CELF2: variants seen among roughly 807,000 people sequenced by gnomAD.
The protein encoded by CELF2 is CUG triplet repeat RNA-binding protein 2.
Under a neutral mutation model 62.6 loss-of-function variants are expected in CELF2, and 8 were observed. That is an observed-to-expected ratio of 0.13 (90% CI 0.07 to 0.23). The LOEUF is 0.23. Among genes scored for constraint, CELF2 ranks in the 10% least tolerant of loss-of-function variants. The pLI, the probability that CELF2 is intolerant of heterozygous loss-of-function variation, is 1.00. For synonymous variants in CELF2, 258 were observed against 250.0 expected (o/e 1.03, Z -0.30); for missense variants, 333 against 671.0 (o/e 0.50, Z 5.56).
At chr10:10,942,119 A>G (rs1353120362) in intron 2 of CELF2, among the ~76,000 whole-genome samples, 2 of 152,222 alleles carry the variant, frequency 1.3e-5, no homozygotes, top group Non-Finnish European at 2.9e-5. Context: ...CAGGAAAAAA[A>G]AAATTGTCTT....
intron 1 of CELF2, among the ~76,000 whole-genome samples, chr10:11,088,266 G>A (rs1223801640): frequency 6.6e-6 from 1 of 152,226 alleles, no homozygotes; most frequent in Non-Finnish European, 1.5e-5. Flanking sequence ...GAGGCAGAGT[G>A]AACAGCATGA....
At chr10:11,030,847 CAGG>C (rs2059997087) in intron 1 of CELF2, 2 of 152,334 alleles carry the variant, frequency 1.3e-5, no homozygotes, top group Non-Finnish European at 2.9e-5. Context: ...GGCTGGAAGG[CAGG>C]AGCATTGTAA....
At chr10:10,599,189 T>C in the CELF2 span, among the ~76,000 whole-genome samples, 1 of 152,240 alleles carries the variant, frequency 6.6e-6, no homozygotes, top group Non-Finnish European at 1.5e-5. Context: ...AAGAATACTA[T>C]AGAGAAGTCA....
chr10:11,024,819 A>G (rs1280000550), intron 1 of CELF2, among the ~76,000 whole-genome samples: 1 of 152,190 alleles, frequency 6.6e-6, no homozygotes, highest in Non-Finnish European at 1.5e-5. Flanking sequence ...CTCAGGGACA[A>G]TGAAATTAAG....
rs1376159246 is a variant in CELF2 at position 11,290,899 on chromosome 10, T to C, written c.976+2347T>C. On this transcript the variant is annotated intron_variant, in intron 9 of 12. Coordinates refer to ENST00000633077, the MANE Select transcript of CELF2 (RefSeq NM_001326342.2). The surrounding 1 kb of genome is among the most constrained non-coding windows in gnomAD (Gnocchi z 4.3). ...ACATTTCAATTATTTTTCTTAAGTG[T>C]AACTAAAAAATCTGATGTTTAAGTG... is the stretch of plus-strand genomic sequence containing the variant. Among the ~76,000 whole-genome samples, 1 of 152,232 alleles carries C rather than the reference T, an allele frequency of 6.6e-6. No individual in the cohort carries two copies. The highest frequency in any genetic ancestry group is 2.4e-5 in the African/African-American group (1 of 41,462).
chr10:11,032,765 A>G (rs112170076), intron 1 of CELF2, among the ~76,000 whole-genome samples: 1 of 152,242 alleles, frequency 6.6e-6, no homozygotes, highest in African/African-American at 2.4e-5. Flanking sequence ...CAGGAAACCT[A>G]TAGACCATTC....
intron 1 of CELF2, among the ~76,000 whole-genome samples, chr10:11,142,519 C>A (rs937410662): frequency 6.6e-6 from 1 of 151,806 alleles, no homozygotes; most frequent in African/African-American, 2.4e-5. Context: ...CCCATCTCTA[C>A]TAAAAATACA....
chr10:10,551,852 C>G, the CELF2 span, among the ~76,000 whole-genome samples: 5 of 152,180 alleles, frequency 3.3e-5, no homozygotes, highest in Admixed American at 6.5e-5. Flanking sequence ...CCAGCTCACT[C>G]TAATCAGCAA....
At chr10:10,590,487 T>A in the CELF2 span, among the ~76,000 whole-genome samples, 4 of 152,248 alleles carry the variant, frequency 2.6e-5, no homozygotes, top group South Asian at 4.2e-4. Flanking sequence ...AGTCCCAAAT[T>A]GAGAGTAAGT....
At chr10:11,192,483 G>C (rs963269669) in intron 2 of CELF2, among the ~76,000 whole-genome samples, 1 of 152,214 alleles carries the variant, frequency 6.6e-6, no homozygotes, top group African/African-American at 2.4e-5. Context: ...CACAGCGTCA[G>C]CTGCTAACAT....
chr10:11,133,175 A>T (rs555479461), intron 1 of CELF2, among the ~76,000 whole-genome samples: 1 of 152,234 alleles, frequency 6.6e-6, no homozygotes, highest in Non-Finnish European at 1.5e-5. Flanking sequence ...AGGCAAACAC[A>T]TCTAACTTCT....
chr10:10,544,578 A>G, the CELF2 span, among the ~76,000 whole-genome samples: 7 of 152,230 alleles, frequency 4.6e-5, no homozygotes, highest in East Asian at 3.8e-4. Flanking sequence ...AGCTATGAGT[A>G]TACTACTACT....
chr10:10,586,762 C>G, the CELF2 span, among the ~76,000 whole-genome samples: 1 of 152,114 alleles, frequency 6.6e-6, no homozygotes, highest in Non-Finnish European at 1.5e-5. Flanking sequence ...GATCTCAGAA[C>G]CCATCTCCAG....
chr10:11,191,485 G>C lies in CELF2; in HGVS notation c.271+25803G>C, dbSNP rs2134503605. Among the ~76,000 whole-genome samples the C allele has an allele frequency of 6.6e-6, 1 of 152,290 alleles. No homozygotes were observed. Among genetic ancestry groups the C allele is most frequent in the East Asian group, 1.9e-4 (1 of 5,170 alleles). ...ACCTCTGGACCAGGACGTGCTGTGG[G>C]GCGTCAGCTACCAACCTTGTGGTCT... On this transcript the variant is annotated intron_variant, in intron 2 of 12. Transcript: ENST00000633077. The surrounding 1 kb of genome is among the most constrained non-coding windows in gnomAD (Gnocchi z 4.1).
chr10:10,990,641 T>A lies in CELF2; in HGVS notation c.89+70642T>A, dbSNP rs915809188. Among the ~76,000 whole-genome samples, 15 of 152,200 alleles carry A rather than the reference T, an allele frequency of 9.9e-5. No individual in the cohort carries two copies. The highest frequency in any genetic ancestry group is 5.2e-4 in the Admixed American group (8 of 15,270). ...GTGGCAATTCAGTGTATTTCATAGA[T>A]AAGTTTCATTTGTAGCAAGATGCTA... On this transcript the variant is annotated intron_variant, in intron 2 of 13. Transcript: ENST00000636488. This position sits in a 1 kb window ranked among gnomAD's most constrained non-coding sequence, Gnocchi z 4.6.
At chr10:11,086,607 A>AAAAC (rs2046868006) in intron 1 of CELF2, among the ~76,000 whole-genome samples, 2 of 124,328 alleles carry the variant, frequency 1.6e-5, no homozygotes, top group African/African-American at 6.2e-5. Flanking sequence ...AAAAAAAAAA[A>AAAAC]AAACTCCCGA....
chr10:10,987,541 A>G lies in CELF2; in HGVS notation c.89+67542A>G, dbSNP rs1046459656. ...ATAGTCTTTGGGACTTCTAGTTAAG[A>G]TTGTGTTTTAACTTAGGGCCCTTGA... is the stretch of plus-strand genomic sequence containing the variant. On this transcript the variant is annotated intron_variant, in intron 2 of 13. Transcript: ENST00000636488. Among the ~76,000 whole-genome samples the G allele has an allele frequency of 2.0e-4, 30 of 152,146 alleles. 1 individual carries two copies. The highest frequency in any genetic ancestry group is 8.3e-4 in the South Asian group (4 of 4,830).
Position 11,005,483 on chromosome 10 carries a change from T to C in CELF2, c.53+43T>C, listed in dbSNP as rs978630662. The stretch of plus-strand genomic sequence containing the variant: ...TTGTTTTTAATGCACGCTTTTCTAG[T>C]TTCTAGAGCTGGCTGAGACAATAAT... On this transcript the variant is annotated intron_variant, in intron 1 of 12. Transcript: ENST00000416382. This position sits in a 1 kb window ranked among gnomAD's most constrained non-coding sequence, Gnocchi z 4.3. 6.2e-6 allele frequency: 10 copies of C among 1,613,656 alleles called. No homozygotes were observed. Among genetic ancestry groups the C allele is most frequent in the Non-Finnish European group, 8.5e-6 (10 of 1,179,766 alleles).
chr10:11,186,874 C>T (rs767366098), intron 2 of CELF2, among the ~76,000 whole-genome samples: 2 of 152,178 alleles, frequency 1.3e-5, no homozygotes, highest in Non-Finnish European at 2.9e-5. Context: ...TTTTCTGTTA[C>T]TGATCTCTAA....
Sources: allele counts gnomAD v4.1 joint callset (sites outside exome capture counted in the v4.1 genomes callset), GRCh38; gene constraint gnomAD v4.1.1; non-coding constraint Gnocchi (gnomAD v3.1); transcripts MANE v1.5; gene names NCBI Gene and HGNC (gene_info 2026-07-23, HGNC 2026-07-21).